PDZD2: variants seen among roughly 807,000 people sequenced by gnomAD.
PDZD2 encodes PDZ domain-containing protein 2.
In PDZD2, 90 loss-of-function variants were observed where a neutral mutation model predicts 220.7. The observed-to-expected ratio is 0.41, with a 90% CI of 0.34 to 0.49. The LOEUF (loss-of-function observed/expected upper bound fraction) is 0.49. PDZD2 is among the 20% of genes least tolerant of loss of function. The pLI is 0.28. For synonymous variants in PDZD2, 1,375 were observed against 1,450.5 expected (o/e 0.95, Z 1.18); for missense variants, 3,174 against 3,608.5 (o/e 0.88, Z 3.08).
At chr5:32,010,142 A>G (rs540426424) in intron 5 of PDZD2, among the ~76,000 whole-genome samples, 188 bp from the exon 6 acceptor site, 16 of 152,192 alleles carry the variant, frequency 1.1e-4, no homozygotes, top group Admixed American at 8.5e-4. Context: ...CTCTGTGGGG[A>G]AAAAATGGAT....
At chr5:31,724,306 T>C (rs1182911944) in intron 1 of PDZD2, among the ~76,000 whole-genome samples, 1 of 152,032 alleles carries the variant, frequency 6.6e-6, no homozygotes, top group Admixed American at 6.6e-5. Context: ...AGTCAAAGAC[T>C]CCATCTCCCT....
In PDZD2 at chr5:31,639,321, C is replaced by G. The variant is rs941629405; in HGVS notation, c.-477C>G. The G allele has an allele frequency of 5.3e-5, 8 of 149,844 alleles. No homozygotes were observed. Among genetic ancestry groups the G allele is most frequent in the Admixed American group, 5.3e-4 (8 of 15,054 alleles). The allele number at this position is 149,844 out of a possible 1,614,324, so 9.3% of individuals were successfully genotyped here. On this transcript the variant is annotated 5_prime_UTR_variant, in exon 1 of 25. Transcript: ENST00000438447. This position sits in a 1 kb window ranked among gnomAD's most constrained non-coding sequence, Gnocchi z 4.1. ...CCGCGGCTCTGCAGCTCGGGGCAGG[C>G]GCGGCGGCGGCACCGGTGGTGGCCG...
At chr5:31,854,569 A>C (rs889029782) in intron 2 of PDZD2, among the ~76,000 whole-genome samples, 1 of 152,208 alleles carries the variant, frequency 6.6e-6, no homozygotes, top group African/African-American at 2.4e-5. Context: ...CGGAGTGGTC[A>C]TGAAGTGAAT....
At chr5:31,875,597 A>ATATAT (rs1246485340) in intron 2 of PDZD2, among the ~76,000 whole-genome samples, 1 of 141,462 alleles carries the variant, frequency 7.1e-6, no homozygotes, top group Non-Finnish European at 1.5e-5. Context: ...AAAAAAAAAA[A>ATATAT]ATATATATAT....
At chr5:32,101,271 C>T (rs1744235768) in intron 24 of PDZD2, 32 bp downstream of exon 24, 2 of 1,540,074 alleles carry the variant, frequency 1.3e-6, no homozygotes, top group Non-Finnish European at 1.8e-6. Context: ...TCAGCCTTCT[C>T]TCACCTGTCA....
chr5:31,975,821 T>TTTTTTTTA (rs1392254387), intron 2 of PDZD2, among the ~76,000 whole-genome samples: 2 of 129,210 alleles, frequency 1.5e-5, no homozygotes, highest in African/African-American at 3.0e-5. Context: ...TTTTTTTTTT[T>TTTTTTTTA]GAGACAAGGT....
intron 1 of PDZD2, among the ~76,000 whole-genome samples, chr5:31,766,326 T>A (rs2059865): frequency 0.19 from 29,637 of 152,154 alleles, 3,765 homozygotes; most frequent in Middle Eastern, 0.34. Context: ...GATGCTAATA[T>A]AAAAAAAGAA....
chr5:31,980,091 T>C (rs1750167405), intron 2 of PDZD2, among the ~76,000 whole-genome samples: 1 of 152,228 alleles, frequency 6.6e-6, no homozygotes, highest in Non-Finnish European at 1.5e-5. Context: ...TTCACCATTT[T>C]AAAGTGTACA....
intron 1 of PDZD2, among the ~76,000 whole-genome samples, chr5:31,705,909 G>T (rs983043165): frequency 3.9e-5 from 6 of 152,180 alleles, no homozygotes; most frequent in African/African-American, 9.7e-5. Context: ...AATTTACCTG[G>T]GCGTGGTGGT....
intron 2 of PDZD2, among the ~76,000 whole-genome samples, chr5:31,801,447 A>G (rs751044397): frequency 6.6e-6 from 1 of 152,216 alleles, no homozygotes; most frequent in Admixed American, 6.5e-5. Flanking sequence ...GTCCAGGGTT[A>G]GAAGTGGGGA....
chr5:31,923,606 A>G lies in PDZD2; in HGVS notation c.477-59549A>G, dbSNP rs1744483893. The G allele has an allele frequency of 5.4e-6, 4 of 742,836 alleles. No individual in the cohort carries two copies. In the East Asian group the frequency reaches 1.1e-4, roughly 20 times the overall value. 46.0% of individuals were successfully genotyped at this position (742,836 alleles called of 1,614,324 possible). A position where few individuals can be genotyped will look rare whatever the true frequency, so the allele number is the denominator to read the frequency against. On this transcript the variant is annotated intron_variant, in intron 2 of 24. Coordinates refer to ENST00000438447, the MANE Select transcript of PDZD2 (RefSeq NM_178140.4). ...GAAAGATGTGTGCTCTGGCTCGGAT[A>G]AGAGATGGGACATCATTCAGTCACT... is the stretch of plus-strand genomic sequence containing the variant.
At chr5:31,901,269 T>G (rs1161580574) in intron 2 of PDZD2, among the ~76,000 whole-genome samples, 1 of 151,940 alleles carries the variant, frequency 6.6e-6, no homozygotes, top group African/African-American at 2.4e-5. Context: ...AATACAAAAA[T>G]TAGCCAGGCG....
chr5:31,865,931 T>C (rs1466840079), intron 2 of PDZD2, among the ~76,000 whole-genome samples: 3 of 120,532 alleles, frequency 2.5e-5, no homozygotes, highest in East Asian at 2.2e-4. Context: ...GCACCTGCCC[T>C]TTTTTTTTTT....
At chr5:31,975,792 A>ATTTT (rs1561237947) in intron 2 of PDZD2, among the ~76,000 whole-genome samples, 2 of 61,406 alleles carry the variant, frequency 3.3e-5, no homozygotes, top group African/African-American at 6.4e-5. Context: ...GGTATCAGTC[A>ATTTT]CTTTTTTTTT....
chr5:31,701,111 G>C (rs536214975), intron 1 of PDZD2, among the ~76,000 whole-genome samples: 1 of 152,332 alleles, frequency 6.6e-6, no homozygotes, highest in African/African-American at 2.4e-5. Context: ...CAGACCCAGT[G>C]CTGAGCACAC....
intron 14 of PDZD2, among the ~76,000 whole-genome samples, chr5:32,064,619 ATGT>A (rs1268658253): frequency 1.3e-5 from 2 of 152,126 alleles, no homozygotes; most frequent in South Asian, 2.1e-4. Flanking sequence ...CTTACCTCTA[ATGT>A]TGTGGTTAAG....
intron 6 of PDZD2, among the ~76,000 whole-genome samples, chr5:32,026,347 G>A (rs1754660676): frequency 6.6e-6 from 1 of 152,094 alleles, no homozygotes; most frequent in Non-Finnish European, 1.5e-5. Context: ...ATGTTGCCCA[G>A]GCTGGTCTTG....
intron 2 of PDZD2, among the ~76,000 whole-genome samples, chr5:31,810,532 T>A (rs1755049750): frequency 6.6e-6 from 1 of 152,240 alleles, no homozygotes; most frequent in African/African-American, 2.4e-5. Context: ...CCCAAAGTGC[T>A]GGGATTACAG....
chr5:32,088,685 A>G lies in PDZD2; in HGVS notation c.5237A>G (p.Gln1746Arg), dbSNP rs746849098. 2 of 1,614,060 alleles carry G rather than the reference A, an allele frequency of 1.2e-6. No homozygotes were observed. The highest frequency in any genetic ancestry group is 3.3e-5 in the Admixed American group (2 of 60,022). ...CTGCTAGATGACGAAACCCTGAATC[A>G]ATACGAAACAAGCATTAATGCAGCT... ...HDLLDDETLN[Q>R]YETSINAAAS... is the part of the protein sequence containing the mutation. Residue 1746 changes from glutamine (Q) to arginine (R), a missense_variant, in exon 20 of 25, where the codon CAA becomes CGA. Around this residue, in one of 4 missense-constraint regions of PDZD2, gnomAD observed 1,861 missense variants for 2,001.0 expected, o/e 0.93. Transcript: ENST00000438447. The surrounding 1 kb of genome is among the most constrained non-coding windows in gnomAD (Gnocchi z 4.6).
Sources: gnomAD v4.1 joint callset for allele counts (sites outside exome capture counted in the v4.1 genomes callset) on GRCh38, gnomAD v4.1.1 for gene constraint, gnomAD v4.1.1 regional missense constraint, Gnocchi (gnomAD v3.1) non-coding constraint, MANE v1.5 for transcripts, NCBI Gene and HGNC (gene_info 2026-07-23, HGNC 2026-07-21) for gene names.